RIBC1: variants seen among roughly 807,000 people sequenced by gnomAD.
The protein encoded by RIBC1 is RIB43A domain with coiled-coils 1.
A neutral mutation model predicts 33.7 loss-of-function variants in RIBC1; 12 were observed. That is an observed-to-expected ratio of 0.36 (90% CI 0.23 to 0.58). The LOEUF (loss-of-function observed/expected upper bound fraction) is 0.58. Ranked by LOEUF, RIBC1 falls within the 20% of genes least tolerant of loss-of-function variation. RIBC1 has a pLI of 0.81. For synonymous variants in RIBC1, 89 were observed against 109.0 expected, an observed-to-expected ratio of 0.82 and a Z score of 1.14; for missense variants, 242 against 311.6, an observed-to-expected ratio of 0.78 and a Z score of 1.68.
intron 2 of RIBC1, 105 bp from the exon 3 acceptor site, chrX:53,426,172 A>C: frequency 1.9e-6 from 1 of 530,381 alleles, no homozygotes; most frequent in Admixed American, 2.9e-5. Flanking sequence ...AATCAGTAGG[A>C]ATCAATAACT....
intron 2 of RIBC1, among the ~76,000 whole-genome samples, chrX:53,426,045 G>A (rs1330785201): frequency 1.8e-5 from 2 of 112,208 alleles, no homozygotes; most frequent in Non-Finnish European, 3.8e-5. Context: ...GGTAACGTTG[G>A]AGCAAGAGAA....
rs1556894128 is a variant in RIBC1 at position 53,430,537 on chromosome X, G to C, written c.805G>C (p.Val269Leu). ...VAQHPMAPYR[V>L]LPYCWKGMTP... is the part of the protein sequence containing the mutation. Reference sequence around the variant, plus strand: ...CCAACACCCTATGGCTCCCTACCGGGTCCTGCCCTATTGCTGGAAGGGCAT... The same window carrying C: ...CCAACACCCTATGGCTCCCTACCGGCTCCTGCCCTATTGCTGGAAGGGCAT... Residue 269 changes from valine to leucine, a missense_variant, in exon 7 of 8, where the codon GTC becomes CTC. Coordinates refer to ENST00000375327, the MANE Select transcript of RIBC1 (RefSeq NM_001031745.5). 8.3e-7 allele frequency: 1 copy of C among 1,209,001 alleles called. No homozygotes were observed. Among genetic ancestry groups the C allele is most frequent in the Non-Finnish European group, 1.1e-6 (1 of 894,001 alleles).
At chrX:53,429,005 A>G (rs1339662638) in intron 5 of RIBC1, 1 of 236,722 alleles carries the variant, frequency 4.2e-6, no homozygotes, top group African/African-American at 2.8e-5. Flanking sequence ...GTCTGTGGCC[A>G]CATCCTTCTC....
intron 2 of RIBC1, among the ~76,000 whole-genome samples, chrX:53,424,102 A>G (rs2075777515): frequency 9.1e-6 from 1 of 110,442 alleles, no homozygotes; most frequent in Non-Finnish European, 1.9e-5. Flanking sequence ...GAAGCTTGGT[A>G]GATGGAATCT....
rs1224397026 is a variant in RIBC1 at position 53,426,341 on chromosome X, G to A, written c.65G>A (p.Arg22Gln). The A allele has an allele frequency of 6.6e-6, 8 of 1,206,869 alleles. No individual in the cohort carries two copies. Among genetic ancestry groups the A allele is most frequent in the Admixed American group, 6.6e-5 (3 of 45,549 alleles). Residue 22 changes from arginine to glutamine, a missense_variant, in exon 3 of 8, where the codon CGA (arginine) becomes CAA (glutamine). By Grantham distance (43) the Arg-to-Gln change is conservative (BLOSUM62 1). Transcript: ENST00000375327. ...EAAAIEARRN[R>Q]EKERQNRFFN... ...GCAGCCATCGAGGCTAGAAGAAATC[G>A]AGAAAAAGAGCGACAAAACCGATTC...
chrX:53,427,172 T>C (rs782309470), intron 3 of RIBC1, among the ~76,000 whole-genome samples: 1 of 112,254 alleles, frequency 8.9e-6, no homozygotes, highest in East Asian at 2.8e-4. Flanking sequence ...AAAAGATTGC[T>C]AGGTGAGTGG....
intron 3 of RIBC1, 46 bp from the exon 4 acceptor site, chrX:53,427,957 C>T: frequency 9.2e-7 from 1 of 1,089,295 alleles, no homozygotes; most frequent in Non-Finnish European, 1.3e-6. Context: ...ATTGAAGGCC[C>T]CCTGCTGGGC....
chrX:53,429,657 A>G, intron 5 of RIBC1, 197 bp from the exon 6 acceptor site: 1 of 1,018,300 alleles, frequency 9.8e-7, no homozygotes, highest in South Asian at 3.5e-5. Flanking sequence ...GGTCCATTGG[A>G]GGCATCTTTT....
chrX:53,425,515 T>TAAAAAAAAAAAAAAAAAAAAAAA (rs782760749), intron 2 of RIBC1, among the ~76,000 whole-genome samples: 1 of 25,874 alleles, frequency 3.9e-5, no homozygotes, highest in African/African-American at 1.6e-4. Flanking sequence ...GTAATAAAAG[T>TAAAAAAAAAAAAAAAAAAAAAAA]AAAAAAAAAA....
chrX:53,428,851 C>T (rs2075806311), intron 5 of RIBC1: 1 of 1,046,885 alleles, frequency 9.6e-7, no homozygotes, highest in Non-Finnish European at 1.2e-6. Flanking sequence ...TACGTGGAGG[C>T]AGCACAGTGC....
At chrX:53,429,825 C>T (rs868940288) in intron 5 of RIBC1, 29 bp from the exon 6 acceptor site, 1 of 1,199,317 alleles carries the variant, frequency 8.3e-7, no homozygotes, top group East Asian at 3.0e-5. Context: ...CAAGCCAGTA[C>T]AGTACCCCGG....
rs782218970 is a variant in RIBC1, at chrX:53,430,392, C to T, written c.664-4C>T. The T allele has an allele frequency of 5.0e-6, 6 of 1,201,242 alleles. No individual in the cohort carries two copies. In the Admixed American group the frequency reaches 6.6e-5, roughly 13 times the overall value. On this transcript the variant is annotated splice_polypyrimidine_tract_variant and splice_region_variant and intron_variant, in intron 6 of 7. Transcript: ENST00000375327. ...CAAATGTTTGCATTTGGGGGCTCCA[C>T]CAGGCAGCTGTGCAGGCTGGGCGTC... is the stretch of plus-strand genomic sequence containing the variant.
chrX:53,428,299 G>A lies in RIBC1; in HGVS notation c.216G>A (p.Gln72=). Reference sequence around the variant, plus strand: ...CACCCCCAGGTACCAGCCAGGTGCAGTATGATGTGGTAGTCCAGATGTTAG... The same window carrying A: ...CACCCCCAGGTACCAGCCAGGTGCAATATGATGTGGTAGTCCAGATGTTAG... The part of the protein sequence containing the change: ...KEAAYGTSQV[Q]YDVVVQMLEK... The change falls in exon 5 of 8, where the codon CAG becomes CAA. Residue 72 remains glutamine (Q), a synonymous_variant. Transcript: ENST00000375327. 2.5e-6 allele frequency: 3 copies of A among 1,211,193 alleles called. No individual in the cohort carries two copies. Among genetic ancestry groups the A allele is most frequent in the Non-Finnish European group, 3.4e-6 (3 of 894,963 alleles).
chrX:53,429,846 C>G lies in RIBC1; in HGVS notation c.545-8C>G. Reference sequence around the variant, plus strand: ...AGTACAGTACCCCGGCCATATTTCTCTGTGTAGATGCGCTCAGTAACCAGC... The same window carrying G: ...AGTACAGTACCCCGGCCATATTTCTGTGTGTAGATGCGCTCAGTAACCAGC... On this transcript the variant is annotated splice_region_variant and splice_polypyrimidine_tract_variant and intron_variant, in intron 5 of 7. Transcript: ENST00000375327. 8.3e-7 allele frequency: 1 copy of G among 1,205,872 alleles called. No individual in the cohort carries two copies.
chrX:53,428,440 C>T lies in RIBC1; in HGVS notation c.357C>T (p.Val119=), dbSNP rs895538881. ...TTAGTCTTTGGGATCCAGGCCAAGT[C>T]TGGAAGGGGCTTCCAACCTATCTTA... ...REFSLWDPGQ[V]WKGLPTYLSY... is the part of the protein sequence containing the mutation. Residue 119 remains valine, a synonymous_variant, in exon 5 of 8, where the codon GTC becomes GTT. Transcript: ENST00000375327. The T allele has an allele frequency of 3.3e-6, 4 of 1,210,492 alleles. No individual in the cohort carries two copies. The East Asian group carries it at 1.2e-4, about 36-fold the overall frequency.
chrX:53,425,515 TAAAAAAAAAAAA>T (rs782760749), intron 2 of RIBC1, among the ~76,000 whole-genome samples: 2 of 25,861 alleles, frequency 7.7e-5, no homozygotes, highest in African/African-American at 3.2e-4. Context: ...GTAATAAAAG[TAAAAAAAAAAAA>T]AAAAAAAAAA....
intron 5 of RIBC1, chrX:53,429,540 G>T: frequency 3.3e-6 from 1 of 301,086 alleles, no homozygotes. Flanking sequence ...TAATTCGATG[G>T]TATCATTAGA....
intron 1 of RIBC1, 30 bp from the exon 2 acceptor site, chrX:53,423,284 C>G (rs918610039): frequency 8.8e-6 from 1 of 114,276 alleles, no homozygotes; most frequent in African/African-American, 3.3e-5. Context: ...CTACCCCTAT[C>G]CCCTGCCTCC....
At chrX:53,425,264 T>C (rs1173679348) in intron 2 of RIBC1, among the ~76,000 whole-genome samples, 2 of 110,170 alleles carry the variant, frequency 1.8e-5, no homozygotes, top group African/African-American at 3.3e-5. Flanking sequence ...TTGAGACAAA[T>C]TGGAGAGGTG....
Sources: gnomAD v4.1 joint callset for allele counts (sites outside exome capture counted in the v4.1 genomes callset) on GRCh38, gnomAD v4.1.1 for gene constraint, MANE v1.5 for transcripts, NCBI Gene and HGNC (gene_info 2026-07-23, HGNC 2026-07-21) for gene names.